The following MYO9A variants were observed in gnomAD, a reference collection of about 807,000 sequenced individuals.
MYO9A encodes the protein unconventional myosin-IXa.
Under a neutral mutation model 293.3 loss-of-function variants are expected in MYO9A, and 103 were observed. The ratio of observed to expected loss-of-function variants is 0.35; its 90% confidence interval spans 0.30 to 0.41. MYO9A has a LOEUF of 0.41. MYO9A is among the 10% of genes least tolerant of loss of function. The probability of loss-of-function intolerance (pLI) is 1.00; values close to 1 mark genes in which losing one functional copy is unlikely to be tolerated. For missense variants in MYO9A, 2,685 were observed against 3,033.0 expected, an observed-to-expected ratio of 0.89 and a Z score of 2.69; for synonymous variants, 1,001 against 1,035.7, an observed-to-expected ratio of 0.97 and a Z score of 0.64.
chr15:72,071,106 A>G (rs999362343), intron 1 of MYO9A, among the ~76,000 whole-genome samples: 3 of 152,234 alleles, frequency 2.0e-5, no homozygotes, highest in Non-Finnish European at 4.4e-5. Flanking sequence ...TCCACAGAGT[A>G]AACAGACAAC....
At chr15:71,916,105 T>C (rs944281130) in intron 19 of MYO9A, among the ~76,000 whole-genome samples, 3 of 152,166 alleles carry the variant, frequency 2.0e-5, no homozygotes, top group Admixed American at 6.5e-5. Flanking sequence ...GATTTGTTTA[T>C]AACATCAATT....
rs1567169896 is a variant in MYO9A at position 71,825,995 on chromosome 15, G to GTTTTGTTTTT, written c.*584_*585insAAAAACAAAA. ...ATGGAAACAATCACGGTTTTTTTTT[G>GTTTTGTTTTT]TTTTTTTTTTTTTGTTTTTTTTTTT... On this transcript the variant is annotated 3_prime_UTR_variant, in exon 42 of 42. Transcript: ENST00000356056. The GTTTTGTTTTT allele has an allele frequency of 2.2e-4, 20 of 91,502 alleles. 3 individuals are homozygous for GTTTTGTTTTT. Among genetic ancestry groups the GTTTTGTTTTT allele is most frequent in the East Asian group, 1.0e-3 (3 of 2,982 alleles). 5.7% of individuals were successfully genotyped at this position (91,502 alleles called of 1,614,324 possible).
chr15:72,117,359 G>A (rs2081027084), intron 1 of MYO9A, among the ~76,000 whole-genome samples: 1 of 152,194 alleles, frequency 6.6e-6, no homozygotes, highest in African/African-American at 2.4e-5. Flanking sequence ...AAGGGAGGAT[G>A]TAACGTAGTC....
At chr15:71,941,436 A>G (rs1461691777) in intron 15 of MYO9A, among the ~76,000 whole-genome samples, 6 of 152,186 alleles carry the variant, frequency 3.9e-5, no homozygotes, top group African/African-American at 9.7e-5. Flanking sequence ...CTCCATCTCA[A>G]AAACAACAAC....
intron 40 of MYO9A, 105 bp downstream of exon 40, chr15:71,830,004 G>T: frequency 8.6e-7 from 1 of 1,161,980 alleles, no homozygotes; most frequent in Non-Finnish European, 1.3e-6. Context: ...CTGACACAGT[G>T]TTTAACACAC....
At chr15:72,091,488 C>T (rs1366010540) in intron 1 of MYO9A, among the ~76,000 whole-genome samples, 1 of 152,040 alleles carries the variant, frequency 6.6e-6, no homozygotes, top group Admixed American at 6.6e-5. Flanking sequence ...AATACGCAAG[C>T]CTAACTGCTC....
At chr15:71,828,253 G>C (rs1278902998) in intron 40 of MYO9A, among the ~76,000 whole-genome samples, 1 of 152,090 alleles carries the variant, frequency 6.6e-6, no homozygotes, top group African/African-American at 2.4e-5. Flanking sequence ...CCAATAATAG[G>C]GGTAAGGGTA....
chr15:71,940,511 G>A (rs1210520684), intron 15 of MYO9A, among the ~76,000 whole-genome samples: 1 of 151,936 alleles, frequency 6.6e-6, no homozygotes, highest in African/African-American at 2.4e-5. Context: ...ACGGGGTTGG[G>A]GGAGGAGGGG....
intron 32 of MYO9A, among the ~76,000 whole-genome samples, chr15:71,864,093 T>A (rs1171263680): frequency 1.3e-5 from 2 of 152,184 alleles, no homozygotes; most frequent in East Asian, 3.8e-4. Flanking sequence ...TTCTAGTCAT[T>A]ATATTAGAAT....
chr15:71,852,417 G>T lies in MYO9A; in HGVS notation c.6347-157C>A, dbSNP rs540066833. 7.3e-4 allele frequency: 456 copies of T among 627,924 alleles called. 1 individual carries two copies. Among genetic ancestry groups the T allele is most frequent in the Non-Finnish European group, 1.0e-3 (425 of 408,272 alleles). The allele number at this position is 627,924 out of a possible 1,614,324, so 38.9% of individuals were successfully genotyped here. A position where few individuals can be genotyped will look rare whatever the true frequency, so the allele number is the denominator to read the frequency against. On this transcript the variant is annotated intron_variant, in intron 35 of 41. Coordinates refer to ENST00000356056, the MANE Select transcript of MYO9A (RefSeq NM_006901.4). ...TCACTCTTGTTGGCCAGGCTGGAGT[G>T]CAATGGTGTGATCTCAGCTCACCAC... is the stretch of plus-strand genomic sequence containing the variant.
chr15:71,981,626 C>T (rs2076273688), intron 11 of MYO9A, among the ~76,000 whole-genome samples: 1 of 146,140 alleles, frequency 6.8e-6, no homozygotes, highest in Non-Finnish European at 1.5e-5. Context: ...TTATTTATAT[C>T]CCTCTCTCTG....
chr15:72,010,051 G>GCTT (rs2077128863), intron 7 of MYO9A, among the ~76,000 whole-genome samples: 1 of 152,088 alleles, frequency 6.6e-6, no homozygotes, highest in Non-Finnish European at 1.5e-5. Flanking sequence ...TAAAAATAGT[G>GCTT]TTACAAAGCA....
rs751587900 is a variant in MYO9A at position 71,960,100 on chromosome 15, T to A, written c.1987-4A>T. The A allele has an allele frequency of 6.2e-7, 1 of 1,611,990 alleles. No homozygotes were observed. Among genetic ancestry groups the A allele is most frequent in the Non-Finnish European group, 8.5e-7 (1 of 1,179,288 alleles). ...CTGTATTTTTTTCCCGGAAATCCTA[T>A]ATGAAAAAAGTACCAGTGTTACTTA... On this transcript the variant is annotated splice_region_variant and splice_polypyrimidine_tract_variant and intron_variant, in intron 13 of 41. Transcript: ENST00000356056.
intron 6 of MYO9A, 50 bp downstream of exon 6, chr15:72,018,986 CAAT>C: frequency 2.1e-6 from 3 of 1,413,186 alleles, no homozygotes; most frequent in Non-Finnish European, 3.0e-6. Flanking sequence ...TGCAAATGCG[CAAT>C]GTGAGGACCC....
At chr15:71,980,068 C>T (rs764711331) in intron 11 of MYO9A, among the ~76,000 whole-genome samples, 27 of 151,858 alleles carry the variant, frequency 1.8e-4, no homozygotes, top group Non-Finnish European at 2.2e-4. Context: ...AGGCTGGTCT[C>T]GAACTCCTGG....
chr15:72,104,588 A>T (rs974794143), intron 1 of MYO9A, among the ~76,000 whole-genome samples: 1 of 152,228 alleles, frequency 6.6e-6, no homozygotes, highest in Non-Finnish European at 1.5e-5. Context: ...TCAATAAATG[A>T]AACAACTTCC....
chr15:71,953,233 T>C (rs952636565), intron 14 of MYO9A, among the ~76,000 whole-genome samples: 1 of 152,242 alleles, frequency 6.6e-6, no homozygotes, highest in Admixed American at 6.5e-5. Context: ...GTTCTCATTA[T>C]TACCAGTAAT....
At chr15:72,076,649 T>A (rs2079361295) in intron 1 of MYO9A, among the ~76,000 whole-genome samples, 1 of 152,226 alleles carries the variant, frequency 6.6e-6, no homozygotes, top group Non-Finnish European at 1.5e-5. Flanking sequence ...AGACTCAGTA[T>A]TACTAAGATG....
chr15:72,079,481 C>T (rs1361712262), intron 1 of MYO9A, among the ~76,000 whole-genome samples: 4 of 151,662 alleles, frequency 2.6e-5, no homozygotes, highest in South Asian at 2.1e-4. Flanking sequence ...AGATGAATAT[C>T]GAAAAAAGGA....
Sources: gnomAD v4.1 joint callset for allele counts (sites outside exome capture counted in the v4.1 genomes callset) on GRCh38, gnomAD v4.1.1 for gene constraint, MANE v1.5 for transcripts, NCBI Gene and HGNC (gene_info 2026-07-23, HGNC 2026-07-21) for gene names.